CACNA2D3: variants seen among roughly 807,000 people sequenced by gnomAD.
CACNA2D3 encodes the protein calcium voltage-gated channel auxiliary subunit alpha2delta 3.
In CACNA2D3, 60 loss-of-function variants were observed where a neutral mutation model predicts 160.6. The observed-to-expected ratio is 0.37, with a 90% CI of 0.30 to 0.46. The LOEUF is 0.46. Ranked by LOEUF, CACNA2D3 falls within the 20% of genes least tolerant of loss-of-function variation. The probability of loss-of-function intolerance (pLI) is 1.00; values close to 1 mark genes in which losing one functional copy is unlikely to be tolerated. For synonymous variants in CACNA2D3, 558 were observed against 492.9 expected, an observed-to-expected ratio of 1.13 and a Z score of -1.75; for missense variants, 1,205 against 1,365.0, an observed-to-expected ratio of 0.88 and a Z score of 1.85.
chr3:54,776,538 A>T (rs1702427953), intron 13 of CACNA2D3, among the ~76,000 whole-genome samples: 1 of 152,086 alleles, frequency 6.6e-6, no homozygotes, highest in African/African-American at 2.4e-5. Context: ...CAAAACAGCA[A>T]CCAAACAAAG....
chr3:54,520,930 A>G lies in CACNA2D3; in HGVS notation c.544+17276A>G, dbSNP rs77451707. On this transcript the variant is annotated intron_variant, in intron 5 of 37. Coordinates refer to ENST00000474759, the MANE Select transcript of CACNA2D3 (RefSeq NM_018398.3). ...CTTTCAAGATTTTTCCATTTGTACC[A>G]TATATCAGTATTCATTTCTTTTTAT... Among the ~76,000 whole-genome samples, 412 of 152,324 alleles carry G rather than the reference A, an allele frequency of 2.7e-3. 3 individuals are homozygous for G. The highest frequency in any genetic ancestry group is 9.5e-3 in the African/African-American group (393 of 41,578).
At chr3:54,789,840 G>A (rs1192300755) in intron 13 of CACNA2D3, 1 of 517,132 alleles carries the variant, frequency 1.9e-6, no homozygotes, top group Non-Finnish European at 3.9e-6. Context: ...AAAATGAGCT[G>A]GGGCTTGAGG....
At chr3:54,653,672 A>G (rs766393275) in intron 11 of CACNA2D3, among the ~76,000 whole-genome samples, 1 of 152,228 alleles carries the variant, frequency 6.6e-6, no homozygotes, top group Non-Finnish European at 1.5e-5. Context: ...TGACAAGACA[A>G]GTTAGGAACG....
At chr3:54,297,275 T>C (rs1480447975) in intron 2 of CACNA2D3, among the ~76,000 whole-genome samples, 1 of 152,180 alleles carries the variant, frequency 6.6e-6, no homozygotes, top group African/African-American at 2.4e-5. Flanking sequence ...ACTTTGTTTT[T>C]ACGTGAAGGG....
At chr3:55,010,301 A>G (rs1019468008) in intron 34 of CACNA2D3, among the ~76,000 whole-genome samples, 3 of 152,182 alleles carry the variant, frequency 2.0e-5, no homozygotes, top group African/African-American at 7.2e-5. Context: ...CACTACCAGG[A>G]TGATGAAATA....
intron 3 of CACNA2D3, among the ~76,000 whole-genome samples, chr3:54,355,072 G>A (rs944161160): frequency 3.3e-5 from 5 of 152,206 alleles, no homozygotes; most frequent in Admixed American, 6.5e-5. Context: ...ATGAAAAATG[G>A]TAAGTGTGCT....
At chr3:54,722,305 C>A (rs995940724) in intron 11 of CACNA2D3, among the ~76,000 whole-genome samples, 1 of 152,162 alleles carries the variant, frequency 6.6e-6, no homozygotes, top group Non-Finnish European at 1.5e-5. Flanking sequence ...GTAAGCGATT[C>A]GTCTAACCTT....
chr3:54,417,024 T>G (rs576497613), intron 4 of CACNA2D3, among the ~76,000 whole-genome samples: 14 of 151,324 alleles, frequency 9.3e-5, no homozygotes, highest in Admixed American at 3.9e-4. Context: ...GCAGGCAGTC[T>G]CTTAAAAAAT....
chr3:54,184,391 C>T (rs1478246499), intron 2 of CACNA2D3, among the ~76,000 whole-genome samples: 1 of 152,230 alleles, frequency 6.6e-6, no homozygotes, highest in Non-Finnish European at 1.5e-5. Flanking sequence ...CCCATCCTCC[C>T]ATCACCAATT....
chr3:54,480,209 C>A (rs778288522), intron 4 of CACNA2D3, among the ~76,000 whole-genome samples: 7 of 152,116 alleles, frequency 4.6e-5, no homozygotes. Flanking sequence ...AAAACTTCCT[C>A]CTGAATGCTA....
At chr3:54,216,397 A>C (rs1701464360) in intron 2 of CACNA2D3, among the ~76,000 whole-genome samples, 1 of 152,186 alleles carries the variant, frequency 6.6e-6, no homozygotes, top group African/African-American at 2.4e-5. Context: ...TATAATAATA[A>C]ACAGAAGCCA....
intron 14 of CACNA2D3, among the ~76,000 whole-genome samples, chr3:54,824,059 C>G (rs747552021): frequency 3.3e-5 from 5 of 152,220 alleles, no homozygotes; most frequent in Non-Finnish European, 5.9e-5. Flanking sequence ...GAAACCCAAA[C>G]TCTGTTGTAA....
At chr3:55,070,564 GA>G (rs1200486589) in intron 35 of CACNA2D3, among the ~76,000 whole-genome samples, 2 of 152,152 alleles carry the variant, frequency 1.3e-5, no homozygotes, top group Non-Finnish European at 2.9e-5. Context: ...GAAGAAGCCT[GA>G]AAGATAGGCT....
intron 5 of CACNA2D3, among the ~76,000 whole-genome samples, chr3:54,507,796 C>G (rs1701395648): frequency 6.6e-6 from 1 of 152,188 alleles, no homozygotes; most frequent in Non-Finnish European, 1.5e-5. Context: ...CAGGGTTGCC[C>G]TACTCTCACA....
intron 2 of CACNA2D3, among the ~76,000 whole-genome samples, chr3:54,246,663 G>T (rs1284588377): frequency 1.3e-5 from 2 of 151,680 alleles, no homozygotes; most frequent in Admixed American, 1.3e-4. Flanking sequence ...GACGGAGGCT[G>T]CAGTGAGCTG....
chr3:54,133,965 C>T (rs1449524626), intron 2 of CACNA2D3, among the ~76,000 whole-genome samples: 1 of 152,168 alleles, frequency 6.6e-6, no homozygotes, highest in Non-Finnish European at 1.5e-5. Flanking sequence ...AGTACGGAGG[C>T]ATGTGACGGT....
chr3:54,134,416 T>A (rs1699778801), intron 2 of CACNA2D3, among the ~76,000 whole-genome samples: 1 of 152,126 alleles, frequency 6.6e-6, no homozygotes, highest in South Asian at 2.1e-4. Context: ...CTTCAGGGGT[T>A]GTTTGTATGT....
intron 2 of CACNA2D3, among the ~76,000 whole-genome samples, chr3:54,129,754 A>G (rs1699670387): frequency 6.6e-6 from 1 of 152,174 alleles, no homozygotes; most frequent in African/African-American, 2.4e-5. Context: ...CGAGTTTTCC[A>G]TTTTAGGTGA....
chr3:55,065,609 G>T (rs1169637371), intron 35 of CACNA2D3, among the ~76,000 whole-genome samples: 1 of 151,956 alleles, frequency 6.6e-6, no homozygotes, highest in African/African-American at 2.4e-5. Flanking sequence ...CAAGGCTGCA[G>T]TGAGCTACGA....
Sources: gnomAD v4.1 joint callset for allele counts (sites outside exome capture counted in the v4.1 genomes callset) on GRCh38, gnomAD v4.1.1 for gene constraint, MANE v1.5 for transcripts, NCBI Gene and HGNC (gene_info 2026-07-23, HGNC 2026-07-21) for gene names.